Variants in UTRN observed in about 807,000 individuals in gnomAD.
The protein encoded by UTRN is dystrophin-related protein 1.
A neutral mutation model predicts 463.9 loss-of-function variants in UTRN; 283 were observed. That is an observed-to-expected ratio of 0.61 (90% confidence interval 0.55 to 0.67). The LOEUF (loss-of-function observed/expected upper bound fraction) is 0.67, where lower values mean the gene tolerates loss of function less well. Ranked by LOEUF, UTRN falls within the 30% of genes least tolerant of loss-of-function variation. The pLI is 0.00. For synonymous variants in UTRN, 1,442 were observed against 1,431.5 expected, an observed-to-expected ratio of 1.01 and a Z score of -0.17; for missense variants, 3,922 against 4,084.3, an observed-to-expected ratio of 0.96 and a Z score of 1.08.
chr6:144,828,493 A>C (rs760223433), intron 68 of UTRN, among the ~76,000 whole-genome samples: 5 of 152,172 alleles, frequency 3.3e-5, no homozygotes, highest in Non-Finnish European at 5.9e-5. Flanking sequence ...ACGCTCACTT[A>C]GATGTAGACC....
At chr6:144,393,183 G>A (rs1021223580) in intron 2 of UTRN, among the ~76,000 whole-genome samples, 3 of 152,158 alleles carry the variant, frequency 2.0e-5, no homozygotes, top group Non-Finnish European at 1.5e-5. Flanking sequence ...ATCTGCTTTG[G>A]CTGATTAGTT....
At chr6:144,505,997 C>G (rs1794661534) in intron 34 of UTRN, among the ~76,000 whole-genome samples, 1 of 152,136 alleles carries the variant, frequency 6.6e-6, no homozygotes, top group African/African-American at 2.4e-5. Flanking sequence ...GATCCCTTTA[C>G]CATTCTGTTA....
chr6:144,731,378 T>G (rs1350264535), intron 54 of UTRN, among the ~76,000 whole-genome samples: 3 of 152,202 alleles, frequency 2.0e-5, no homozygotes, highest in Non-Finnish European at 4.4e-5. Flanking sequence ...TTCTGATGCA[T>G]TTTTAAAAAT....
intron 3 of UTRN, among the ~76,000 whole-genome samples, chr6:144,413,895 C>T (rs935733599): frequency 6.6e-6 from 1 of 152,056 alleles, no homozygotes; most frequent in Non-Finnish European, 1.5e-5. Flanking sequence ...CCTCTACCTC[C>T]CCTGTTCAAG....
chr6:144,702,183 G>T (rs1784667111), intron 53 of UTRN, among the ~76,000 whole-genome samples: 1 of 152,156 alleles, frequency 6.6e-6, no homozygotes, highest in African/African-American at 2.4e-5. Flanking sequence ...CTTGAGGTAT[G>T]AAATGATTTT....
chr6:144,534,778 G>A (rs148105082), intron 43 of UTRN, among the ~76,000 whole-genome samples: 48 of 152,278 alleles, frequency 3.2e-4, no homozygotes, highest in African/African-American at 1.1e-3. Flanking sequence ...GTGTCACAGA[G>A]GCAGATATGA....
intron 69 of UTRN, among the ~76,000 whole-genome samples, chr6:144,830,108 C>A (rs80322441): frequency 0.038 from 5,729 of 152,188 alleles, 162 homozygotes; most frequent in South Asian, 0.062. Flanking sequence ...TAATTCAGAA[C>A]AAAATCTTAC....
intron 58 of UTRN, among the ~76,000 whole-genome samples, chr6:144,759,521 G>A (rs1238651097): frequency 6.6e-6 from 1 of 152,020 alleles, no homozygotes; most frequent in Non-Finnish European, 1.5e-5. Context: ...ATAATCCCTG[G>A]AACCTGTGAA....
intron 23 of UTRN, among the ~76,000 whole-genome samples, chr6:144,472,514 C>G (rs374465190): frequency 9.2e-5 from 14 of 152,114 alleles, no homozygotes; most frequent in African/African-American, 2.9e-4. Flanking sequence ...TCAATTCAAA[C>G]ATTATAAGGA....
chr6:144,742,002 T>G (rs1175862009), intron 54 of UTRN, among the ~76,000 whole-genome samples: 2 of 152,302 alleles, frequency 1.3e-5, no homozygotes, highest in Non-Finnish European at 2.9e-5. Context: ...ATAACTTGCA[T>G]TTACTATTTG....
chr6:144,419,795 G>A (rs1251064728), intron 3 of UTRN, among the ~76,000 whole-genome samples: 1 of 152,120 alleles, frequency 6.6e-6, no homozygotes, highest in African/African-American at 2.4e-5. Flanking sequence ...TGCTTCTATA[G>A]CACTGGCACA....
intron 50 of UTRN, 99 bp from the exon 51 acceptor site, chr6:144,577,000 T>G: frequency 1.1e-5 from 13 of 1,160,456 alleles, no homozygotes; most frequent in South Asian, 3.1e-5. Flanking sequence ...AAAAGGTCCT[T>G]TGGGGGCTGC....
chr6:144,513,807 C>G, intron 35 of UTRN, 102 bp from the exon 36 acceptor site: 1 of 1,319,852 alleles, frequency 7.6e-7, no homozygotes, highest in Admixed American at 2.7e-5. Flanking sequence ...CCTTTAAATT[C>G]ATGGTACAGT....
At chr6:144,611,912 GCAAA>G (rs1008633296) in intron 51 of UTRN, among the ~76,000 whole-genome samples, 1 of 152,032 alleles carries the variant, frequency 6.6e-6, no homozygotes, top group African/African-American at 2.4e-5. Context: ...TCTGGAGCAA[GCAAA>G]CAAACAAAAA....
chr6:144,525,436 T>G (rs1309113192), intron 41 of UTRN, among the ~76,000 whole-genome samples: 2 of 152,128 alleles, frequency 1.3e-5, no homozygotes, highest in African/African-American at 2.4e-5. Flanking sequence ...TTCCAGGAAT[T>G]TATCCATATC....
In UTRN at chr6:144,700,353, C is replaced by G. The variant is rs9390198; in HGVS notation, c.7809+110C>G. 3,426 of 1,245,382 alleles carry G rather than the reference C, an allele frequency of 2.8e-3. 133 individuals carry two copies. The East Asian group carries it at 0.074, about 27-fold the overall frequency. The allele number at this position is 1,245,382 out of a possible 1,614,324, so 77.1% of individuals were successfully genotyped here. A position where few individuals can be genotyped will look rare whatever the true frequency, so the allele number is the denominator to read the frequency against. On this transcript the variant is annotated intron_variant, in intron 53 of 74. Coordinates refer to ENST00000367545, the MANE Select transcript of UTRN (RefSeq NM_007124.3). ...GTTGAACCAATTATCACAGGATTCC[C>G]CCCCCCACCACCGTCTGCTTTTAGT... is the stretch of plus-strand genomic sequence containing the variant.
At chr6:144,535,957 G>A (rs558481827) in intron 43 of UTRN, among the ~76,000 whole-genome samples, 171 of 152,096 alleles carry the variant, frequency 1.1e-3, no homozygotes, top group African/African-American at 3.8e-3. Context: ...TTTTTAAATT[G>A]TTTGTAAAAA....
intron 2 of UTRN, among the ~76,000 whole-genome samples, chr6:144,362,913 T>C (rs977325817): frequency 6.6e-6 from 1 of 152,228 alleles, no homozygotes; most frequent in African/African-American, 2.4e-5. Flanking sequence ...TTATGCTAAG[T>C]AATGTGTTAT....
intron 1 of UTRN, among the ~76,000 whole-genome samples, chr6:144,288,391 T>C (rs1216317696): frequency 6.6e-6 from 1 of 152,194 alleles, no homozygotes; most frequent in Non-Finnish European, 1.5e-5. Context: ...TTGGGTAGCA[T>C]AGAAGTGGAG....
Sources: allele counts gnomAD v4.1 joint callset (sites outside exome capture counted in the v4.1 genomes callset), GRCh38; gene constraint gnomAD v4.1.1; transcripts MANE v1.5; gene names NCBI Gene and HGNC (gene_info 2026-07-23, HGNC 2026-07-21).